The following CLTC variants were observed in gnomAD, a reference collection of about 807,000 sequenced individuals.
CLTC encodes clathrin heavy chain.
CLTC carries 16 observed loss-of-function variants against 195.8 expected under a neutral mutation model. The ratio of observed to expected loss-of-function variants is 0.08; its 90% CI spans 0.06 to 0.12. CLTC has a LOEUF of 0.12. Among genes scored for constraint, CLTC ranks in the 10% least tolerant of loss-of-function variants. CLTC has a pLI of 1.00. For missense variants in CLTC, 796 were observed against 2,027.0 expected (o/e 0.39, Z 11.66); for synonymous variants, 667 against 689.4 (o/e 0.97, Z 0.51).
In CLTC at chr17:59,696,904, A is replaced by AG. The variant is rs2033441958; in HGVS notation, c.*3055dup. 2 of 197,300 alleles carry AG rather than the reference A, an allele frequency of 1.0e-5. No homozygotes were observed. Among genetic ancestry groups the AG allele is most frequent in the Non-Finnish European group, 1.0e-5 (1 of 95,244 alleles). 12.2% of individuals were successfully genotyped at this position (197,300 alleles called of 1,614,324 possible). A position where few individuals can be genotyped will look rare whatever the true frequency, so the allele number is the denominator to read the frequency against. On this transcript the variant is annotated 3_prime_UTR_variant, in exon 32 of 32. Transcript: ENST00000269122. Reference sequence around the variant, plus strand: ...GATTAACCTTTGGCCAGTATGGGTCAGGGAAGGTGAACATGAAACACTGCA... The same window carrying AG: ...GATTAACCTTTGGCCAGTATGGGTCAGGGGAAGGTGAACATGAAACACTGCA...
intron 30 of CLTC, among the ~76,000 whole-genome samples, chr17:59,686,786 T>G (rs1047786165): frequency 2.0e-5 from 3 of 152,230 alleles, no homozygotes; most frequent in Admixed American, 6.5e-5. Context: ...TAAGCTGCTT[T>G]CTTTCATACT....
chr17:59,669,303 T>A (rs2032795533), intron 14 of CLTC, among the ~76,000 whole-genome samples: 1 of 152,194 alleles, frequency 6.6e-6, no homozygotes, highest in African/African-American at 2.4e-5. Context: ...CTTCATACCA[T>A]TTTGAGGAGC....
intron 6 of CLTC, among the ~76,000 whole-genome samples, chr17:59,658,498 G>A (rs1278742615): frequency 1.3e-5 from 2 of 152,166 alleles, no homozygotes; most frequent in Non-Finnish European, 2.9e-5. Context: ...GTAAAGAGAT[G>A]AGTATTTACA....
intron 2 of CLTC, among the ~76,000 whole-genome samples, chr17:59,644,693 G>A (rs564836237): frequency 3.4e-4 from 52 of 152,150 alleles, no homozygotes; most frequent in African/African-American, 1.0e-3. Flanking sequence ...TGGAATTACA[G>A]GTGCCTGCCA....
At chr17:59,634,077 T>G (rs552794436) in intron 1 of CLTC, among the ~76,000 whole-genome samples, 2 of 152,202 alleles carry the variant, frequency 1.3e-5, no homozygotes, top group African/African-American at 4.8e-5. Flanking sequence ...CCTGGACAGT[T>G]TTTTTATTTT....
chr17:59,684,928 A>C, intron 28 of CLTC, 128 bp from the exon 29 acceptor site: 1 of 651,122 alleles, frequency 1.5e-6, no homozygotes. Flanking sequence ...ATGAAAAATC[A>C]TACCTTTTGA....
intron 1 of CLTC, among the ~76,000 whole-genome samples, chr17:59,627,991 A>G (rs146206243): frequency 2.6e-5 from 4 of 152,348 alleles, no homozygotes; most frequent in East Asian, 1.9e-4. Flanking sequence ...ACAATGGAAT[A>G]TATTTGCTCA....
intron 18 of CLTC, 78 bp downstream of exon 18, chr17:59,679,597 C>A: frequency 7.5e-7 from 1 of 1,334,208 alleles, no homozygotes. Context: ...TTTCCCTCAT[C>A]ATGTACTCAA....
intron 5 of CLTC, among the ~76,000 whole-genome samples, 178 bp downstream of exon 5, chr17:59,651,494 C>T (rs1342522388): frequency 1.3e-5 from 2 of 152,042 alleles, no homozygotes; most frequent in African/African-American, 2.4e-5. Flanking sequence ...CTACCTTAGG[C>T]CTATTATGAG....
In CLTC at chr17:59,666,068, T is replaced by C; in HGVS notation, c.1645-35T>C. On this transcript the variant is annotated intron_variant, in intron 10 of 31. Transcript: ENST00000269122. The surrounding 1 kb of genome is among the most constrained non-coding windows in gnomAD (Gnocchi z 4.9). The stretch of plus-strand genomic sequence containing the variant: ...TTTTGTCTACATACTCTCCATAGTA[T>C]CTTAAAACAATTTCTTTTAAATCTT... 2 of 1,526,428 alleles carry C rather than the reference T, an allele frequency of 1.3e-6. No homozygotes were observed. Among genetic ancestry groups the C allele is most frequent in the Non-Finnish European group, 1.8e-6 (2 of 1,104,998 alleles). 94.6% of individuals were successfully genotyped at this position (1,526,428 alleles called of 1,614,324 possible). A position where few individuals can be genotyped will look rare whatever the true frequency, so the allele number is the denominator to read the frequency against.
intron 5 of CLTC, among the ~76,000 whole-genome samples, chr17:59,652,595 C>T (rs1308805669): frequency 6.6e-6 from 1 of 152,086 alleles, no homozygotes; most frequent in Non-Finnish European, 1.5e-5. Flanking sequence ...TGTCGATGAG[C>T]AGTAACATTT....
chr17:59,661,371 A>G lies in CLTC; in HGVS notation c.1168-72A>G. 21 of 1,191,490 alleles carry G rather than the reference A, an allele frequency of 1.8e-5. 1 individual carries two copies. The South Asian group carries it at 2.4e-4, about 14-fold the overall frequency. The allele number at this position is 1,191,490 out of a possible 1,614,324, so 73.8% of individuals were successfully genotyped here. On this transcript the variant is annotated intron_variant, in intron 7 of 31. Coordinates refer to ENST00000269122, the MANE Select transcript of CLTC (RefSeq NM_004859.4). ...GGGTGTTTAGTGTGATGTTTGGATC[A>G]CTTTCGAAGAGCGTTTAACATTTCT...
At chr17:59,653,885 G>A (rs2032395265) in intron 5 of CLTC, among the ~76,000 whole-genome samples, 2 of 151,306 alleles carry the variant, frequency 1.3e-5, no homozygotes, top group Admixed American at 6.6e-5. Context: ...CGATTCTCAT[G>A]CCTCAGCCTC....
rs1303159593 is a variant in CLTC at position 59,685,814 on chromosome 17, G to C, written c.4827+6G>C. 4 of 1,607,046 alleles carry C rather than the reference G, an allele frequency of 2.5e-6. No homozygotes were observed. Among genetic ancestry groups the C allele is most frequent in the Non-Finnish European group, 3.4e-6 (4 of 1,174,262 alleles). On this transcript the variant is annotated splice_donor_region_variant and intron_variant, in intron 30 of 31. Transcript: ENST00000269122. This position sits in a 1 kb window ranked among gnomAD's most constrained non-coding sequence, Gnocchi z 5.0. ...TGAAGGAGTACTTGACAAAGGTAAT[G>C]ACTCTTCTAAGTGTATTCAGAACTA...
In CLTC at chr17:59,681,642, C is replaced by T. The variant is rs748439170; in HGVS notation, c.3250-5C>T. On this transcript the variant is annotated splice_polypyrimidine_tract_variant and splice_region_variant and intron_variant, in intron 20 of 31. Coordinates refer to ENST00000269122, the MANE Select transcript of CLTC (RefSeq NM_004859.4). This position sits in a 1 kb window ranked among gnomAD's most constrained non-coding sequence, Gnocchi z 5.0. ...CTAACCCTAATTTCAAACTTGGATACTTAGGTCTTAATTGAGCATATTGGA... is the reference window on the plus strand; with the variant it reads ...CTAACCCTAATTTCAAACTTGGATATTTAGGTCTTAATTGAGCATATTGGA... 1.1e-5 allele frequency: 17 copies of T among 1,605,718 alleles called. No homozygotes were observed. The highest frequency in any genetic ancestry group is 1.7e-4 in the Middle Eastern group (1 of 6,054).
intron 14 of CLTC, among the ~76,000 whole-genome samples, chr17:59,669,982 A>G (rs969108957): frequency 6.6e-6 from 1 of 152,306 alleles, no homozygotes; most frequent in Admixed American, 6.5e-5. Flanking sequence ...AAGTAGTCAA[A>G]ATGTTGAAAC....
In CLTC at chr17:59,683,684, G is replaced by C; in HGVS notation, c.4251G>C (p.Leu1417=). 1 of 1,614,178 alleles carries C rather than the reference G, an allele frequency of 6.2e-7. No individual in the cohort carries two copies. Among genetic ancestry groups the C allele is most frequent in the East Asian group, 2.2e-5 (1 of 44,874 alleles). Residue 1417 remains leucine (L), a synonymous_variant, in exon 27 of 32, where the codon CTG becomes CTC. Coordinates refer to ENST00000269122, the MANE Select transcript of CLTC (RefSeq NM_004859.4). The surrounding 1 kb of genome is among the most constrained non-coding windows in gnomAD (Gnocchi z 6.1). The stretch of plus-strand genomic sequence containing the variant: ...AGTTCTACTTAGAATTCAAGCCTCT[G>C]TTGTTAAATGATTTGCTGATGGTGC... ...AIQFYLEFKP[L]LLNDLLMVLS... is the part of the protein sequence containing the mutation.
intron 17 of CLTC, among the ~76,000 whole-genome samples, chr17:59,678,405 G>A (rs917596820): frequency 1.3e-5 from 2 of 152,090 alleles, no homozygotes; most frequent in South Asian, 2.1e-4. Flanking sequence ...TAATGTGTTG[G>A]TTGCAAAATG....
intron 1 of CLTC, among the ~76,000 whole-genome samples, chr17:59,629,456 A>G (rs1331942630): frequency 1.3e-5 from 2 of 152,076 alleles, no homozygotes; most frequent in Non-Finnish European, 2.9e-5. Context: ...TGGATGTTAT[A>G]AGCAGATGAT....
Sources: allele counts gnomAD v4.1 joint callset (sites outside exome capture counted in the v4.1 genomes callset), GRCh38; gene constraint gnomAD v4.1.1; non-coding constraint Gnocchi (gnomAD v3.1); transcripts MANE v1.5; gene names NCBI Gene and HGNC (gene_info 2026-07-23, HGNC 2026-07-21).